The following UPP2 variants were observed in gnomAD, a reference collection of about 807,000 sequenced individuals.
UPP2 encodes the protein uridine phosphorylase 2.
In UPP2, 23 loss-of-function variants were observed where a neutral mutation model predicts 26.7. That is an observed-to-expected ratio of 0.86 (90% CI 0.62 to 1.22). The LOEUF (loss-of-function observed/expected upper bound fraction) is 1.22. Ranked by LOEUF, UPP2 falls within the 50% of genes most tolerant of loss-of-function variation. UPP2 has a pLI of 0.00. For synonymous variants in UPP2, 127 were observed against 141.3 expected (o/e 0.90, Z 0.72); for missense variants, 387 against 396.7 (o/e 0.98, Z 0.21).
At chr2:158,053,980 T>C (rs1198795076) in intron 3 of UPP2, among the ~76,000 whole-genome samples, 1 of 152,166 alleles carries the variant, frequency 6.6e-6, no homozygotes, top group Non-Finnish European at 1.5e-5. Flanking sequence ...TACAGCAAAA[T>C]ATTAGTAGCT....
At chr2:158,100,310 G>C (rs1683054092), upstream of UPP2, among the ~76,000 whole-genome samples, 1 of 152,192 alleles carries the variant, frequency 6.6e-6, no homozygotes. Context: ...TAGTGATCAA[G>C]ATCACTGGTT....
chr2:158,135,267 C>T lies in UPP2; in HGVS notation c.*377C>T, dbSNP rs1481113457. The T allele has an allele frequency of 6.2e-6, 1 of 160,676 alleles. No homozygotes were observed. The highest frequency in any genetic ancestry group is 1.4e-5 in the Non-Finnish European group (1 of 73,458). 10.0% of individuals were successfully genotyped at this position (160,676 alleles called of 1,614,324 possible). Reference sequence around the variant, plus strand: ...CCAGAAATTCATGTTAGAACATTGTCAGGCACTTCTAGGTATTGGACAAGT... The same window carrying T: ...CCAGAAATTCATGTTAGAACATTGTTAGGCACTTCTAGGTATTGGACAAGT... On this transcript the variant is annotated 3_prime_UTR_variant, in exon 7 of 7. Transcript: ENST00000005756.
At chr2:158,063,898 C>T (rs1378602115) in intron 3 of UPP2, among the ~76,000 whole-genome samples, 2 of 152,164 alleles carry the variant, frequency 1.3e-5, no homozygotes, top group African/African-American at 4.8e-5. Flanking sequence ...TTTCCAGCTT[C>T]ATCTTTGTCC....
At chr2:158,071,357 C>T (rs1266480834) in intron 3 of UPP2, among the ~76,000 whole-genome samples, 2 of 151,944 alleles carry the variant, frequency 1.3e-5, no homozygotes, top group African/African-American at 4.8e-5. Flanking sequence ...ACAAGACCAG[C>T]CTGGCCAACA....
rs888718123 is a variant in UPP2, at chr2:158,115,257, A to G, written c.337A>G (p.Ser113Gly). 15 of 1,603,160 alleles carry G rather than the reference A, an allele frequency of 9.4e-6. No homozygotes were observed. Among genetic ancestry groups the G allele is most frequent in the African/African-American group, 1.3e-5 (1 of 74,262 alleles). ...CAAAACCGGGCCTGTGCTCGCCATC[A>G]GTGTAAGTATCCATGGTTGCATTTC... ...MYKTGPVLAI[S>G]HGMGIPSISI... The change falls in exon 3 of 7, where the codon AGT becomes GGT. Residue 113 changes from serine to glycine, a missense_variant and splice_region_variant. Coordinates refer to ENST00000005756, the MANE Select transcript of UPP2 (RefSeq NM_173355.4).
chr2:158,108,887 CGTGTGTGTGTGTGTGTGTGTGT>C lies in UPP2; in HGVS notation c.180+2696_180+2717del, dbSNP rs748328980. On this transcript the variant is annotated intron_variant, in intron 2 of 6. Transcript: ENST00000005756. The stretch of plus-strand genomic sequence containing the variant: ...CATTTTGATGAATAGGAGGCAAAAG[CGTGTGTGTGTGTGTGTGTGTGT>C]GTGTGTGTGTGTGTGTGTGTGTGTT... 6.4e-4 allele frequency among the ~76,000 whole-genome samples: 85 copies of C among 133,130 alleles called. 1 individual carries two copies. The South Asian group carries it at 0.02, about 31-fold the overall frequency. 87.3% of individuals were successfully genotyped at this position (133,130 alleles called of 152,430 possible). A position where few individuals can be genotyped will look rare whatever the true frequency, so the allele number is the denominator to read the frequency against.
intron 2 of UPP2, among the ~76,000 whole-genome samples, chr2:158,011,547 A>T (rs1420200250): frequency 6.6e-6 from 1 of 152,088 alleles, no homozygotes; most frequent in Non-Finnish European, 1.5e-5. Context: ...ATCAATTGCA[A>T]TGGTCAAGGG....
intron 2 of UPP2, among the ~76,000 whole-genome samples, chr2:158,012,741 A>G (rs913831390): frequency 6.6e-6 from 1 of 152,182 alleles, no homozygotes; most frequent in African/African-American, 2.4e-5. Flanking sequence ...ATACTAATAC[A>G]TAGAAGAAAA....
At chr2:158,105,332 C>T (rs1370714446) in intron 1 of UPP2, among the ~76,000 whole-genome samples, 2 of 152,106 alleles carry the variant, frequency 1.3e-5, no homozygotes, top group African/African-American at 4.8e-5. Context: ...TTCTAGCTAG[C>T]ACTGCCGTGA....
chr2:158,025,166 C>T (rs1294439609), intron 3 of UPP2, among the ~76,000 whole-genome samples: 1 of 147,436 alleles, frequency 6.8e-6, no homozygotes, highest in Non-Finnish European at 1.5e-5. Context: ...CGTGCCTTTG[C>T]ACTCCAGCCT....
chr2:158,026,585 C>T (rs565666343), intron 3 of UPP2, among the ~76,000 whole-genome samples: 76 of 152,176 alleles, frequency 5.0e-4, no homozygotes, highest in African/African-American at 1.7e-3. Context: ...CATAAGTCAC[C>T]GCCTTGGCAA....
Position 158,115,261 on chromosome 2 carries a change from T to G in UPP2, c.339+2T>G. On this transcript the variant is annotated splice_donor_variant, in intron 3 of 6. Coordinates refer to ENST00000005756, the MANE Select transcript of UPP2 (RefSeq NM_173355.4). LOFTEE classifies it high-confidence loss of function. ...ACCGGGCCTGTGCTCGCCATCAGTG[T>G]AAGTATCCATGGTTGCATTTCAGCT... The G allele has an allele frequency of 6.2e-7, 1 of 1,601,776 alleles. No homozygotes were observed. The highest frequency in any genetic ancestry group is 8.5e-7 in the Non-Finnish European group (1 of 1,174,516).
chr2:158,033,650 ATGCAAGATCTACC>A (rs758556752), intron 3 of UPP2, among the ~76,000 whole-genome samples: 3 of 152,128 alleles, frequency 2.0e-5, no homozygotes, highest in Non-Finnish European at 2.9e-5. Flanking sequence ...AACTAGTTCT[ATGCAAGATCTACC>A]TGCAGGCAGC....
chr2:158,090,459 C>G (rs1184551507), intron 3 of UPP2, among the ~76,000 whole-genome samples: 1 of 152,086 alleles, frequency 6.6e-6, no homozygotes, highest in Non-Finnish European at 1.5e-5. Flanking sequence ...CGAGATGGTG[C>G]CACTGCACTC....
intron 2 of UPP2, among the ~76,000 whole-genome samples, chr2:158,005,955 G>T (rs577180036): frequency 2.0e-5 from 3 of 152,194 alleles, no homozygotes; most frequent in South Asian, 2.1e-4. Context: ...ATCCTGAGGC[G>T]TGTTCATCCC....
chr2:158,031,136 GA>G (rs1014031258), intron 3 of UPP2, among the ~76,000 whole-genome samples: 2 of 152,050 alleles, frequency 1.3e-5, no homozygotes, highest in Non-Finnish European at 2.9e-5. Context: ...AGAATTAAAA[GA>G]AAACAAAAGA....
At chr2:158,004,924 CAT>C (rs1285071699) in intron 2 of UPP2, among the ~76,000 whole-genome samples, 1 of 152,178 alleles carries the variant, frequency 6.6e-6, no homozygotes, top group African/African-American at 2.4e-5. Flanking sequence ...GCCATTATTA[CAT>C]GTTAAATTGT....
At chr2:158,114,243 T>C (rs1683376398) in intron 2 of UPP2, among the ~76,000 whole-genome samples, 1 of 152,308 alleles carries the variant, frequency 6.6e-6, no homozygotes, top group African/African-American at 2.4e-5. Flanking sequence ...CACCTTGCTG[T>C]GGCCTGTGCT....
At chr2:158,074,032 G>A (rs1682586676) in intron 3 of UPP2, among the ~76,000 whole-genome samples, 1 of 152,150 alleles carries the variant, frequency 6.6e-6, no homozygotes, top group Admixed American at 6.6e-5. Flanking sequence ...TTAAAAATTA[G>A]CTGGGTGTGG....
Sources: allele counts gnomAD v4.1 joint callset (sites outside exome capture counted in the v4.1 genomes callset), GRCh38; gene constraint gnomAD v4.1.1; transcripts MANE v1.5; gene names NCBI Gene and HGNC (gene_info 2026-07-23, HGNC 2026-07-21).